Variants in GRM7 observed in about 807,000 individuals in gnomAD.
The protein encoded by GRM7 is metabotropic glutamate receptor 7.
A neutral mutation model predicts 84.5 loss-of-function variants in GRM7; 35 were observed. That is an observed-to-expected ratio of 0.41 (90% CI 0.32 to 0.55). The LOEUF (loss-of-function observed/expected upper bound fraction) is 0.55, where lower values mean the gene tolerates loss of function less well. Among genes scored for constraint, GRM7 ranks in the 20% least tolerant of loss-of-function variants. The probability of loss-of-function intolerance (pLI) is 0.19; values close to 1 mark genes in which losing one functional copy is unlikely to be tolerated. For missense variants in GRM7, 1,003 were observed against 1,194.6 expected (o/e 0.84, Z 2.36); for synonymous variants, 487 against 455.1 (o/e 1.07, Z -0.89).
At chr3:7,569,554 G>A (rs905987338) in intron 7 of GRM7, among the ~76,000 whole-genome samples, 11 of 152,250 alleles carry the variant, frequency 7.2e-5, no homozygotes, top group African/African-American at 2.4e-4. Context: ...CCAGCCAGCA[G>A]TGGCAACCTG....
intron 1 of GRM7, among the ~76,000 whole-genome samples, chr3:7,109,833 C>A (rs1047724719): frequency 6.6e-6 from 1 of 152,038 alleles, no homozygotes; most frequent in African/African-American, 2.4e-5. Flanking sequence ...ACAATTTCTC[C>A]ATTATATCCA....
At chr3:7,365,711 A>G in intron 4 of GRM7, among the ~76,000 whole-genome samples, 1 of 148,480 alleles carries the variant, frequency 6.7e-6, no homozygotes, top group South Asian at 2.1e-4. Flanking sequence ...ATATATGGGT[A>G]TATATAATTT....
intron 8 of GRM7, among the ~76,000 whole-genome samples, chr3:7,670,619 G>A (rs560220818): frequency 6.6e-6 from 1 of 152,244 alleles, no homozygotes; most frequent in South Asian, 2.1e-4. Context: ...CTCTTTTTAT[G>A]TTCATTAGAA....
intron 1 of GRM7, among the ~76,000 whole-genome samples, chr3:7,036,069 C>T (rs998598402): frequency 2.0e-5 from 3 of 152,138 alleles, no homozygotes; most frequent in Admixed American, 6.5e-5. Flanking sequence ...TGTTTAAGGT[C>T]AGGGAACTGG....
chr3:7,601,743 G>A (rs964585240), intron 8 of GRM7, among the ~76,000 whole-genome samples: 7 of 152,040 alleles, frequency 4.6e-5, no homozygotes, highest in African/African-American at 1.7e-4. Context: ...TATGCTACTG[G>A]AGCAACTGGG....
intron 1 of GRM7, among the ~76,000 whole-genome samples, chr3:6,989,247 C>G (rs1407470671): frequency 6.6e-6 from 1 of 152,118 alleles, no homozygotes; most frequent in Non-Finnish European, 1.5e-5. Flanking sequence ...GTACTTTTTT[C>G]CTTTCATATA....
intron 5 of GRM7, among the ~76,000 whole-genome samples, chr3:7,439,398 A>T (rs982624940): frequency 6.6e-6 from 1 of 152,118 alleles, no homozygotes; most frequent in Non-Finnish European, 1.5e-5. Context: ...CTGTCAGCCT[A>T]TGTGAATTGC....
At chr3:7,224,227 C>T (rs969726566) in intron 2 of GRM7, among the ~76,000 whole-genome samples, 1 of 152,130 alleles carries the variant, frequency 6.6e-6, no homozygotes, top group African/African-American at 2.4e-5. Context: ...ACAATCATGG[C>T]GGAAGGGAAG....
At chr3:7,002,834 A>G (rs1434486640) in intron 1 of GRM7, among the ~76,000 whole-genome samples, 1 of 152,200 alleles carries the variant, frequency 6.6e-6, no homozygotes, top group Non-Finnish European at 1.5e-5. Context: ...TATAGAATTA[A>G]CCTAATTGTT....
intron 7 of GRM7, among the ~76,000 whole-genome samples, chr3:7,525,582 G>A (rs1164930297): frequency 6.6e-6 from 1 of 152,156 alleles, no homozygotes; most frequent in Non-Finnish European, 1.5e-5. Context: ...TATTTAGGGG[G>A]TACATGTGAA....
intron 1 of GRM7, among the ~76,000 whole-genome samples, chr3:7,072,214 C>G (rs938431567): frequency 6.6e-6 from 1 of 152,074 alleles, no homozygotes; most frequent in Non-Finnish European, 1.5e-5. Context: ...CTTCCCCTCA[C>G]GATCCATTAG....
chr3:7,656,230 C>A (rs1699171554), intron 8 of GRM7, among the ~76,000 whole-genome samples: 1 of 152,084 alleles, frequency 6.6e-6, no homozygotes, highest in Non-Finnish European at 1.5e-5. Context: ...TGGCTCACTC[C>A]TGTAAGCCCA....
intron 4 of GRM7, among the ~76,000 whole-genome samples, chr3:7,395,288 T>G (rs1695166770): frequency 6.6e-6 from 1 of 152,182 alleles, no homozygotes; most frequent in African/African-American, 2.4e-5. Flanking sequence ...CTATGATGAT[T>G]CACATGTATC....
chr3:7,508,531 C>A (rs1365228125), intron 7 of GRM7, among the ~76,000 whole-genome samples: 1 of 151,992 alleles, frequency 6.6e-6, no homozygotes, highest in South Asian at 2.1e-4. Context: ...ATATGACCTG[C>A]TAAATACTCA....
chr3:7,288,631 T>C (rs1699513712), intron 2 of GRM7, among the ~76,000 whole-genome samples: 2 of 152,146 alleles, frequency 1.3e-5, no homozygotes, highest in South Asian at 4.1e-4. Context: ...TTAAAAATGC[T>C]TTGGAACCAA....
chr3:7,508,815 T>C (rs995689998), intron 7 of GRM7, among the ~76,000 whole-genome samples: 1 of 152,164 alleles, frequency 6.6e-6, no homozygotes, highest in Non-Finnish European at 1.5e-5. Context: ...ACCATGCATT[T>C]CTTGAGTTCT....
At chr3:7,210,503 G>C (rs10510354) in intron 2 of GRM7, among the ~76,000 whole-genome samples, 40,833 of 152,050 alleles carry the variant, frequency 0.27, 6,667 homozygotes, top group Non-Finnish European at 0.37. Flanking sequence ...TGTTACAGAA[G>C]GTATGTGTTT....
intron 1 of GRM7, among the ~76,000 whole-genome samples, chr3:7,056,064 A>G (rs9311973): frequency 0.19 from 28,380 of 151,894 alleles, 2,765 homozygotes; most frequent in Admixed American, 0.27. Flanking sequence ...ATGCAAATAT[A>G]TTCAATAACA....
At chr3:7,561,180 ACT>A (rs1260116549) in intron 7 of GRM7, among the ~76,000 whole-genome samples, 6 of 151,962 alleles carry the variant, frequency 3.9e-5, no homozygotes, top group African/African-American at 9.7e-5. Flanking sequence ...CAAGCTATTC[ACT>A]GTTTCTGAAT....
Sources: allele counts gnomAD v4.1 joint callset (sites outside exome capture counted in the v4.1 genomes callset), GRCh38; gene constraint gnomAD v4.1.1; transcripts MANE v1.5; gene names NCBI Gene and HGNC (gene_info 2026-07-23, HGNC 2026-07-21).